The following NRIP1 variants were observed in gnomAD, a reference collection of about 807,000 sequenced individuals.
The protein encoded by NRIP1 is nuclear receptor-interacting protein 1.
Under a neutral mutation model 75.0 loss-of-function variants are expected in NRIP1, and 28 were observed. That is an observed-to-expected ratio of 0.37 (90% CI 0.28 to 0.51). NRIP1 has a LOEUF of 0.51. NRIP1 is among the 20% of genes least tolerant of loss of function. The probability of loss-of-function intolerance (pLI) is 0.92; values close to 1 mark genes in which losing one functional copy is unlikely to be tolerated. For synonymous variants in NRIP1, 526 were observed against 487.6 expected, an observed-to-expected ratio of 1.08 and a Z score of -1.04; for missense variants, 1,435 against 1,343.7, an observed-to-expected ratio of 1.07 and a Z score of -1.06.
rs568665441 is a variant in NRIP1, at chr21:14,987,300, CTGCTCAGTAAGAGTTCCT to C, written c.-334-18792_-334-18775del. ...CTCACATAGCCTAGCCACAGAGTCG[CTGCTCAGTAAGAGTTCCT>C]TGCGTAACTCCAACAGTATGAAATT... is the stretch of plus-strand genomic sequence containing the variant. On this transcript the variant is annotated intron_variant, in intron 3 of 3. Transcript: ENST00000318948. 2.0e-5 allele frequency among the ~76,000 whole-genome samples: 3 copies of C among 152,318 alleles called. No homozygotes were observed. In the East Asian group the frequency reaches 5.8e-4, roughly 29 times the overall value.
intron 2 of NRIP1, among the ~76,000 whole-genome samples, chr21:15,019,888 G>A (rs777929613): frequency 6.6e-6 from 1 of 152,072 alleles, no homozygotes; most frequent in Non-Finnish European, 1.5e-5. Flanking sequence ...ACGCAGCCAG[G>A]CACGGTGGCT....
chr21:14,996,678 A>G (rs1327580204), intron 3 of NRIP1, among the ~76,000 whole-genome samples: 1 of 152,134 alleles, frequency 6.6e-6, no homozygotes, highest in African/African-American at 2.4e-5. Flanking sequence ...CCATGAGAAC[A>G]AGGACCACTT....
intron 1 of NRIP1, among the ~76,000 whole-genome samples, chr21:15,057,431 T>C (rs2089330437): frequency 1.3e-5 from 2 of 152,228 alleles, no homozygotes; most frequent in African/African-American, 4.8e-5. Flanking sequence ...AAAGAGCCTG[T>C]GCGGCAGCCC....
chr21:14,988,086 CA>C (rs1246433692), intron 3 of NRIP1: 1 of 152,160 alleles, frequency 6.6e-6, no homozygotes, highest in Non-Finnish European at 1.5e-5. Context: ...AGGAAGGCCA[CA>C]AAGCATTGTG....
intron 3 of NRIP1, among the ~76,000 whole-genome samples, chr21:15,006,043 G>A (rs1568974544): frequency 6.6e-6 from 1 of 151,908 alleles, no homozygotes; most frequent in African/African-American, 2.4e-5. Context: ...AAAATACATG[G>A]TTTTAGTTGG....
intron 3 of NRIP1, among the ~76,000 whole-genome samples, chr21:15,013,927 C>T (rs564690808): frequency 1.3e-5 from 2 of 152,240 alleles, no homozygotes; most frequent in African/African-American, 4.8e-5. Context: ...TCAGGGATTG[C>T]TATTGTAGGA....
intron 3 of NRIP1, among the ~76,000 whole-genome samples, chr21:14,973,861 T>TC (rs1555880703): frequency 6.7e-6 from 1 of 150,058 alleles, no homozygotes; most frequent in Non-Finnish European, 1.5e-5. Context: ...TTTTTTTTTT[T>TC]CCTGTGGAGA....
At chr21:14,984,457 C>A (rs536124546) in intron 3 of NRIP1, among the ~76,000 whole-genome samples, 2 of 151,408 alleles carry the variant, frequency 1.3e-5, no homozygotes, top group East Asian at 3.9e-4. Flanking sequence ...GCCACTACAC[C>A]GAGCCTGAGG....
chr21:14,984,393 G>C (rs1264262743), intron 3 of NRIP1, among the ~76,000 whole-genome samples: 3 of 146,758 alleles, frequency 2.0e-5, no homozygotes, highest in Non-Finnish European at 3.0e-5. Flanking sequence ...CAACTCCTGA[G>C]CTCAAGTGAT....
Position 15,019,470 on chromosome 21 carries a change from C to CTTTTTT in NRIP1, c.-457-5010_-457-5005dup, listed in dbSNP as rs539278321. 6.5e-4 allele frequency among the ~76,000 whole-genome samples: 25 copies of CTTTTTT among 38,694 alleles called. 10 individuals are homozygous for CTTTTTT. Among genetic ancestry groups the CTTTTTT allele is most frequent in the East Asian group, 1.8e-3 (2 of 1,088 alleles). The allele number at this position is 38,694 out of a possible 152,430, so 25.4% of individuals were successfully genotyped here. A position where few individuals can be genotyped will look rare whatever the true frequency, so the allele number is the denominator to read the frequency against. ...ACAAGATCCACAAACAACTGCATTT[C>CTTTTTT]TTTTTTTTTTTTTTTTTTTTTTTTT... is the stretch of plus-strand genomic sequence containing the variant. On this transcript the variant is annotated intron_variant, in intron 2 of 3. Coordinates refer to ENST00000318948, the MANE Select transcript of NRIP1 (RefSeq NM_003489.4).
intron 1 of NRIP1, among the ~76,000 whole-genome samples, chr21:15,044,724 C>G (rs1043801093): frequency 1.3e-5 from 2 of 152,122 alleles, no homozygotes; most frequent in African/African-American, 4.8e-5. Flanking sequence ...TTACTGGGGG[C>G]CCTTCAGTCT....
At chr21:15,017,573 A>G (rs2088266567) in intron 2 of NRIP1, among the ~76,000 whole-genome samples, 1 of 152,194 alleles carries the variant, frequency 6.6e-6, no homozygotes, top group Admixed American at 6.5e-5. Context: ...TATTATCCCC[A>G]GTTTGTAGAT....
At chr21:15,064,398 C>A (rs1006016054) in intron 1 of NRIP1, among the ~76,000 whole-genome samples, 3 of 152,126 alleles carry the variant, frequency 2.0e-5, no homozygotes, top group Non-Finnish European at 4.4e-5. Flanking sequence ...GGTTCGGGAC[C>A]GAGAGGGCAA....
intron 3 of NRIP1, among the ~76,000 whole-genome samples, chr21:14,975,170 T>C (rs2087018505): frequency 6.6e-6 from 1 of 152,026 alleles, no homozygotes; most frequent in Admixed American, 6.6e-5. Context: ...CTAGGATGTA[T>C]CTGAAGACAA....
intron 1 of NRIP1, among the ~76,000 whole-genome samples, chr21:15,055,140 C>G (rs961273351): frequency 1.3e-5 from 2 of 152,136 alleles, no homozygotes; most frequent in African/African-American, 4.8e-5. Flanking sequence ...GCCCCCTCAT[C>G]TTATTTGTTA....
chr21:15,030,891 G>GGTTGGAGGATCA (rs2088639652), intron 2 of NRIP1, among the ~76,000 whole-genome samples: 1 of 146,496 alleles, frequency 6.8e-6, no homozygotes, highest in African/African-American at 2.5e-5. Context: ...TCTGGAAGGC[G>GGTTGGAGGATCA]CTCGGAGGAT....
chr21:15,064,686 C>G (rs1253160426), intron 1 of NRIP1, 59 bp downstream of exon 1: 1 of 150,702 alleles, frequency 6.6e-6, no homozygotes, highest in African/African-American at 2.4e-5. Flanking sequence ...GCTCCCGGGC[C>G]GTTTCCGGCG....
chr21:15,060,831 G>A (rs181608479), intron 1 of NRIP1, among the ~76,000 whole-genome samples: 1 of 152,206 alleles, frequency 6.6e-6, no homozygotes, highest in East Asian at 1.9e-4. Context: ...GATGCAAACA[G>A]GATACAGAAA....
chr21:14,966,117 T>C lies in NRIP1; in HGVS notation c.2076A>G (p.Thr692=). The C allele has an allele frequency of 6.2e-7, 1 of 1,612,572 alleles. No homozygotes were observed. Among genetic ancestry groups the C allele is most frequent in the Non-Finnish European group, 8.5e-7 (1 of 1,179,974 alleles). The change falls in exon 4 of 4, where the codon ACA becomes ACG. Residue 692 remains threonine, a synonymous_variant. Transcript: ENST00000318948. ...AACCAGAAAGCCCTGGTTCAGGACC[T>C]GTTGGTTGACTACTAAATGCTTTAT... ...EENKAFSSQP[T]GPEPGLSGSE...
Sources: allele counts gnomAD v4.1 joint callset (sites outside exome capture counted in the v4.1 genomes callset), GRCh38; gene constraint gnomAD v4.1.1; transcripts MANE v1.5; gene names NCBI Gene and HGNC (gene_info 2026-07-23, HGNC 2026-07-21).